Variants in RC3H2 observed in about 807,000 individuals in gnomAD.
RC3H2 encodes the protein roquin-2.
Under a neutral mutation model 133.3 loss-of-function variants are expected in RC3H2, and 31 were observed. The observed-to-expected ratio is 0.23, with a 90% CI of 0.17 to 0.31. RC3H2 has a LOEUF of 0.31. Among genes scored for constraint, RC3H2 ranks in the 10% least tolerant of loss-of-function variants. The pLI, the probability that RC3H2 is intolerant of heterozygous loss-of-function variation, is 1.00. For missense variants in RC3H2, 1,175 were observed against 1,437.2 expected (o/e 0.82, Z 2.95); for synonymous variants, 517 against 502.2 (o/e 1.03, Z -0.40).
At position 122,855,206 on chromosome 9, in the gene RC3H2, C is replaced by T. The variant is rs770702299; in HGVS notation, c.2793G>A (p.Ala931=). ...PVQATASQGS[A]TKPISVSDYV... ...TACCTGATACACTGATGGGCTTAGTCGCACTTCCTTGGGAAGCAGTGGCCT... is the reference window on the plus strand; with the variant it reads ...TACCTGATACACTGATGGGCTTAGTTGCACTTCCTTGGGAAGCAGTGGCCT... Residue 931 remains alanine, a synonymous_variant, in exon 15 of 21, where the codon GCG becomes GCA. Coordinates refer to ENST00000357244, the MANE Select transcript of RC3H2 (RefSeq NM_001100588.3). 3.7e-6 allele frequency: 6 copies of T among 1,613,578 alleles called. No homozygotes were observed. The highest frequency in any genetic ancestry group is 2.2e-5 in the South Asian group (2 of 91,058).
At chr9:122,887,628 C>A (rs777189184) in intron 4 of RC3H2, among the ~76,000 whole-genome samples, 1 of 152,006 alleles carries the variant, frequency 6.6e-6, no homozygotes, top group Admixed American at 6.6e-5. Flanking sequence ...TTTCAGTGGA[C>A]AGACCTTGGA....
At chr9:122,877,130 G>C (rs1484668668) in intron 9 of RC3H2, among the ~76,000 whole-genome samples, 2 of 152,168 alleles carry the variant, frequency 1.3e-5, no homozygotes, top group Non-Finnish European at 2.9e-5. Flanking sequence ...GAGTGCAGTG[G>C]TGTGAACACA....
chr9:122,905,235 C>T lies in RC3H2; in HGVS notation c.-193G>A. On this transcript the variant is annotated 5_prime_UTR_variant, in exon 1 of 21. It removes an upstream start codon present in the reference 5' UTR. Coordinates refer to ENST00000357244, the MANE Select transcript of RC3H2 (RefSeq NM_001100588.3). Reference sequence around the variant, plus strand: ...GCGGAGGTTTCACGACCTCAAACTCCATCGGGAGCTACAGGGACAGCCCCG... The same window carrying T: ...GCGGAGGTTTCACGACCTCAAACTCTATCGGGAGCTACAGGGACAGCCCCG... 1 of 985,528 alleles carries T rather than the reference C, an allele frequency of 1.0e-6. No individual in the cohort carries two copies. Among genetic ancestry groups the T allele is most frequent in the Non-Finnish European group, 1.2e-6 (1 of 829,938 alleles). The allele number at this position is 985,528 out of a possible 1,614,324, so 61.0% of individuals were successfully genotyped here.
chr9:122,865,082 A>C (rs1830587178), intron 10 of RC3H2, among the ~76,000 whole-genome samples: 1 of 152,190 alleles, frequency 6.6e-6, no homozygotes, highest in Non-Finnish European at 1.5e-5. Flanking sequence ...TGAAAAAAAA[A>C]CAATTCTGGT....
In RC3H2 at chr9:122,905,302, C is replaced by G; in HGVS notation, c.-260G>C. ...CCGCGACGGGGCCTCCTCCTCCTCC[C>G]TCCACCTCCGCCTCCTCCTCCTCCT... is the stretch of plus-strand genomic sequence containing the variant. On this transcript the variant is annotated 5_prime_UTR_variant, in exon 1 of 21. Transcript: ENST00000357244. The G allele has an allele frequency of 5.1e-6, 5 of 985,364 alleles. No homozygotes were observed. The highest frequency in any genetic ancestry group is 6.0e-6 in the Non-Finnish European group (5 of 829,644). The allele number at this position is 985,364 out of a possible 1,614,324, so 61.0% of individuals were successfully genotyped here.
intron 4 of RC3H2, among the ~76,000 whole-genome samples, chr9:122,889,453 C>T (rs1246036666): frequency 1.3e-5 from 2 of 152,106 alleles, no homozygotes; most frequent in Non-Finnish European, 2.9e-5. Context: ...CCCAACATCA[C>T]TTATTAAAAG....
intron 9 of RC3H2, among the ~76,000 whole-genome samples, chr9:122,867,003 C>A (rs1369049981): frequency 1.5e-5 from 2 of 131,802 alleles, no homozygotes; most frequent in Admixed American, 1.5e-4. Context: ...TGGGGAGCGC[C>A]TTTGCCCCAC....
At chr9:122,862,145 G>C (rs1049564959) in intron 10 of RC3H2, among the ~76,000 whole-genome samples, 1 of 151,978 alleles carries the variant, frequency 6.6e-6, no homozygotes, top group African/African-American at 2.4e-5. Flanking sequence ...TCCATGATAA[G>C]GTCAACATTT....
chr9:122,857,450 T>A (rs934792246), intron 13 of RC3H2, among the ~76,000 whole-genome samples: 22 of 152,196 alleles, frequency 1.4e-4, no homozygotes, highest in African/African-American at 5.1e-4. Flanking sequence ...AGGGAAGAAA[T>A]ACCTCAGACA....
intron 9 of RC3H2, among the ~76,000 whole-genome samples, chr9:122,876,336 T>C (rs143310362): frequency 4.6e-4 from 70 of 151,830 alleles, no homozygotes; most frequent in African/African-American, 1.6e-3. Flanking sequence ...CCACAAAGAG[T>C]TGATAGACAG....
At chr9:122,890,039 G>A in intron 4 of RC3H2, 1 of 583,946 alleles carries the variant, frequency 1.7e-6, no homozygotes, top group Non-Finnish European at 3.0e-6. Context: ...CTACTTAGGG[G>A]GCTGAGTCAG....
chr9:122,878,162 ATTTGT>A (rs770671620), intron 8 of RC3H2, among the ~76,000 whole-genome samples: 45 of 152,250 alleles, frequency 3.0e-4, no homozygotes, highest in Non-Finnish European at 5.9e-4. Flanking sequence ...GGATGAAAAC[ATTTGT>A]TTTTAATATT....
chr9:122,894,345 G>T (rs1264943482), intron 2 of RC3H2, among the ~76,000 whole-genome samples: 1 of 152,082 alleles, frequency 6.6e-6, no homozygotes, highest in Non-Finnish European at 1.5e-5. Context: ...TAGGTACCAG[G>T]GATATATCAA....
At chr9:122,866,815 C>T (rs1830699177) in intron 9 of RC3H2, among the ~76,000 whole-genome samples, 1 of 152,166 alleles carries the variant, frequency 6.6e-6, no homozygotes, top group Non-Finnish European at 1.5e-5. Context: ...GCAGCCTATG[C>T]CCGGCCGCCA....
intron 10 of RC3H2, among the ~76,000 whole-genome samples, 179 bp from the exon 11 acceptor site, chr9:122,860,310 A>C (rs1830408054): frequency 6.6e-6 from 1 of 152,010 alleles, no homozygotes; most frequent in Admixed American, 6.6e-5. Flanking sequence ...AATTCACGTG[A>C]TCATCGTAAC....
Position 122,857,935 on chromosome 9 carries a change from G to A in RC3H2, c.2442C>T (p.Asp814=). The A allele has an allele frequency of 6.2e-7, 1 of 1,613,734 alleles. No homozygotes were observed. The highest frequency in any genetic ancestry group is 8.5e-7 in the Non-Finnish European group (1 of 1,179,858). Residue 814 remains aspartate, a synonymous_variant, in exon 13 of 21, where the codon GAC becomes GAT. Coordinates refer to ENST00000357244, the MANE Select transcript of RC3H2 (RefSeq NM_001100588.3). ...PTPPSPLFSV[D]FRADFSESVS... is the part of the protein sequence containing the mutation. Reference sequence around the variant, plus strand: ...AAACCTTTCTTACATCCGCACGAAAGTCTACACTGAACAGAGGAGAAGGTG... The same window carrying A: ...AAACCTTTCTTACATCCGCACGAAAATCTACACTGAACAGAGGAGAAGGTG...
intron 5 of RC3H2, among the ~76,000 whole-genome samples, chr9:122,881,534 G>A (rs1243541265): frequency 6.6e-6 from 1 of 151,590 alleles, no homozygotes; most frequent in Non-Finnish European, 1.5e-5. Flanking sequence ...TGGTGAAACA[G>A]AAACATGAAA....
At chr9:122,866,650 G>C (rs1163818538) in intron 9 of RC3H2, among the ~76,000 whole-genome samples, 1 of 152,048 alleles carries the variant, frequency 6.6e-6, no homozygotes, top group African/African-American at 2.4e-5. Flanking sequence ...CGAGTGATCC[G>C]CCAGCCTCGG....
At chr9:122,897,113 C>CA (rs890868048) in intron 2 of RC3H2, among the ~76,000 whole-genome samples, 166 bp downstream of exon 2, 2 of 143,632 alleles carry the variant, frequency 1.4e-5, no homozygotes, top group African/African-American at 2.6e-5. Flanking sequence ...ACATAAATCA[C>CA]AAAAAAAATC....
Sources: gnomAD v4.1 joint callset for allele counts (sites outside exome capture counted in the v4.1 genomes callset) on GRCh38, gnomAD v4.1.1 for gene constraint, MANE v1.5 for transcripts, NCBI Gene and HGNC (gene_info 2026-07-23, HGNC 2026-07-21) for gene names.